Variants in UACA observed in about 807,000 individuals in gnomAD.
UACA encodes the protein uveal autoantigen with coiled-coil domains and ankyrin repeats.
In UACA, 112 loss-of-function variants were observed where a neutral mutation model predicts 160.5. The ratio of observed to expected loss-of-function variants is 0.70; its 90% CI spans 0.60 to 0.82. The LOEUF (loss-of-function observed/expected upper bound fraction) is 0.82. Ranked by LOEUF, UACA falls within the 40% of genes least tolerant of loss-of-function variation. The pLI is 0.00. For synonymous variants in UACA, 557 were observed against 568.4 expected, an observed-to-expected ratio of 0.98 and a Z score of 0.29; for missense variants, 1,574 against 1,614.6, an observed-to-expected ratio of 0.97 and a Z score of 0.43.
chr15:70,680,412 T>TA (rs1435191927), intron 9 of UACA, among the ~76,000 whole-genome samples: 6 of 152,244 alleles, frequency 3.9e-5, no homozygotes, highest in Non-Finnish European at 5.9e-5. Context: ...ACTACTGCTT[T>TA]AATTCTTCGA....
At chr15:70,724,249 A>T (rs1245641792) in intron 1 of UACA, among the ~76,000 whole-genome samples, 1 of 152,168 alleles carries the variant, frequency 6.6e-6, no homozygotes, top group Non-Finnish European at 1.5e-5. Flanking sequence ...CTTCACATAA[A>T]AGATGGTCAT....
intron 1 of UACA, among the ~76,000 whole-genome samples, chr15:70,752,383 T>C (rs1209925260): frequency 6.6e-6 from 1 of 152,272 alleles, no homozygotes; most frequent in East Asian, 1.9e-4. Context: ...ATTTTCAAAG[T>C]ACCTCAACAT....
chr15:70,769,983 C>T, the UACA span, among the ~76,000 whole-genome samples: 13 of 152,062 alleles, frequency 8.5e-5, no homozygotes, highest in Middle Eastern at 3.4e-3. Context: ...GGCAACACAG[C>T]GAGACTCCCT....
chr15:70,709,198 T>C (rs1186413209), intron 1 of UACA, among the ~76,000 whole-genome samples: 2 of 152,228 alleles, frequency 1.3e-5, no homozygotes, highest in Non-Finnish European at 2.9e-5. Context: ...AGTAAATTTT[T>C]TGAGTGGTAT....
At position 70,671,078 on chromosome 15, in the gene UACA, C is replaced by T; in HGVS notation, c.1182G>A (p.Met394Ile). ...GSHFSNRKEDMLLKQGQMYMA... is the reference protein window; with the variant it reads ...GSHFSNRKEDILLKQGQMYMA... Reference sequence around the variant, plus strand: ...TATACATCTGACCTTGTTTAAGAAGCATATCTTCTTTTCCTAAATAAATGC... The same window carrying T: ...TATACATCTGACCTTGTTTAAGAAGTATATCTTCTTTTCCTAAATAAATGC... The change falls in exon 15 of 19, where the codon ATG becomes ATA. Residue 394 changes from methionine to isoleucine, a missense_variant. Physicochemically the swap from Met to Ile is conservative, Grantham distance 10 (BLOSUM62 1). Coordinates refer to ENST00000322954, the MANE Select transcript of UACA (RefSeq NM_018003.4). The T allele has an allele frequency of 6.3e-7, 1 of 1,593,502 alleles. No homozygotes were observed. The highest frequency in any genetic ancestry group is 8.6e-7 in the Non-Finnish European group (1 of 1,167,990).
intron 17 of UACA, among the ~76,000 whole-genome samples, chr15:70,663,988 G>A (rs1896816071): frequency 6.6e-6 from 1 of 152,086 alleles, no homozygotes; most frequent in Non-Finnish European, 1.5e-5. Flanking sequence ...CCTGCACGTT[G>A]TGCACATGTA....
intron 13 of UACA, among the ~76,000 whole-genome samples, chr15:70,674,908 C>G (rs2140917938): frequency 6.6e-6 from 1 of 152,268 alleles, no homozygotes; most frequent in African/African-American, 2.4e-5. Flanking sequence ...CTATACCTTA[C>G]ACTTAAGACA....
intron 3 of UACA, 61 bp from the exon 4 acceptor site, chr15:70,691,424 T>C (rs958139963): frequency 2.5e-5 from 31 of 1,256,064 alleles, no homozygotes; most frequent in Non-Finnish European, 3.4e-5. Flanking sequence ...TTGAGGATTT[T>C]TATAGAAATA....
intron 5 of UACA, among the ~76,000 whole-genome samples, chr15:70,690,054 T>C (rs1000568022): frequency 6.6e-6 from 1 of 152,130 alleles, no homozygotes; most frequent in African/African-American, 2.4e-5. Flanking sequence ...GGTTCAGACA[T>C]GTTAATTAGG....
At chr15:70,684,033 AGT>A (rs1250927024) in intron 8 of UACA, among the ~76,000 whole-genome samples, 1 of 152,252 alleles carries the variant, frequency 6.6e-6, no homozygotes, top group East Asian at 1.9e-4. Flanking sequence ...AAGTTATTCC[AGT>A]GTCTTAGTGT....
chr15:70,660,548 T>A (rs1821568583), intron 17 of UACA: 1 of 238,274 alleles, frequency 4.2e-6, no homozygotes, highest in Admixed American at 5.6e-5. Flanking sequence ...TCTTACTATC[T>A]CCACACTATA....
At chr15:70,673,698 C>T (rs1481309570) in intron 13 of UACA, among the ~76,000 whole-genome samples, 1 of 152,130 alleles carries the variant, frequency 6.6e-6, no homozygotes, top group Non-Finnish European at 1.5e-5. Context: ...TATCCATTTT[C>T]CCCATATTTT....
upstream of UACA, among the ~76,000 whole-genome samples, chr15:70,765,148 G>A (rs542721845): frequency 6.6e-6 from 1 of 152,198 alleles, no homozygotes; most frequent in Admixed American, 6.5e-5. Flanking sequence ...TCCAAACATG[G>A]GTCATGGCTT....
At chr15:70,739,025 A>C (rs1252489062) in intron 1 of UACA, among the ~76,000 whole-genome samples, 1 of 152,226 alleles carries the variant, frequency 6.6e-6, no homozygotes, top group Non-Finnish European at 1.5e-5. Context: ...CTATTGTTCA[A>C]AGCAAGTCAT....
chr15:70,669,334 T>G lies in UACA; in HGVS notation c.1350A>C (p.Arg450=). 1 of 1,614,118 alleles carries G rather than the reference T, an allele frequency of 6.2e-7. No homozygotes were observed. Among genetic ancestry groups the G allele is most frequent in the Admixed American group, 1.7e-5 (1 of 60,010 alleles). ...CTTGTTTTGCTGACTCACAGAAAGT[T>G]CGCATTGCTTCTAACTCTTTCTTTA... is the stretch of plus-strand genomic sequence containing the variant. ...EILKKELEAM[R]TFCESAKQDR... Residue 450 remains arginine (R), a synonymous_variant, in exon 16 of 19, where the codon CGA becomes CGC. Transcript: ENST00000322954.
chr15:70,705,201 A>G (rs1458002987), intron 1 of UACA, among the ~76,000 whole-genome samples: 1 of 151,204 alleles, frequency 6.6e-6, no homozygotes, highest in African/African-American at 2.5e-5. Flanking sequence ...GTTTGCTTTA[A>G]TATCACTAAT....
intron 1 of UACA, among the ~76,000 whole-genome samples, chr15:70,762,669 C>G (rs935556068): frequency 6.6e-6 from 1 of 152,256 alleles, no homozygotes; most frequent in Admixed American, 6.5e-5. Flanking sequence ...ATCACCACCA[C>G]CCCTCCCAAC....
rs900033891 is a variant in UACA, at chr15:70,763,477, G to C, written c.-70C>G. The C allele has an allele frequency of 7.9e-7, 1 of 1,262,952 alleles. No individual in the cohort carries two copies. The highest frequency in any genetic ancestry group is 1.0e-6 in the Non-Finnish European group (1 of 996,188). The allele number at this position is 1,262,952 out of a possible 1,614,324, so 78.2% of individuals were successfully genotyped here. On this transcript the variant is annotated 5_prime_UTR_variant, in exon 1 of 19. Coordinates refer to ENST00000322954, the MANE Select transcript of UACA (RefSeq NM_018003.4). Reference sequence around the variant, plus strand: ...AGTGCCAGCGCGCAAGGAGTAGACGGCAGCGGCTGCAGCAGAGGCGGCGCG... The same window carrying C: ...AGTGCCAGCGCGCAAGGAGTAGACGCCAGCGGCTGCAGCAGAGGCGGCGCG...
At position 70,669,224 on chromosome 15, in the gene UACA, T is replaced by G. The variant is rs923147961; in HGVS notation, c.1460A>C (p.Asp487Ala). Residue 487 changes from aspartate (D) to alanine (A), a missense_variant, in exon 16 of 19, where the codon GAT becomes GCT. Transcript: ENST00000322954. ...TAATTGCTTTATCTGTTCATCTGAA[T>G]CCTCCTTGACCCTTTCACATTCTAA... ...LALECERVKEDSDEQIKQLED... is the reference protein window; with the variant it reads ...LALECERVKEASDEQIKQLED... 23 of 1,614,110 alleles carry G rather than the reference T, an allele frequency of 1.4e-5. No individual in the cohort carries two copies. The highest frequency in any genetic ancestry group is 1.4e-5 in the Non-Finnish European group (16 of 1,180,002).
Sources: gnomAD v4.1 joint callset for allele counts (sites outside exome capture counted in the v4.1 genomes callset) on GRCh38, gnomAD v4.1.1 for gene constraint, MANE v1.5 for transcripts, NCBI Gene and HGNC (gene_info 2026-07-23, HGNC 2026-07-21) for gene names.